TMCC1: variants seen among roughly 807,000 people sequenced by gnomAD.
TMCC1 encodes transmembrane and coiled-coil domains protein 1.
Under a neutral mutation model 52.4 loss-of-function variants are expected in TMCC1, and 15 were observed. That is an observed-to-expected ratio of 0.29 (90% CI 0.19 to 0.44). TMCC1 has a LOEUF of 0.44. TMCC1 is among the 20% of genes least tolerant of loss of function. The pLI is 1.00. For missense variants in TMCC1, 503 were observed against 806.0 expected (o/e 0.62, Z 4.55); for synonymous variants, 279 against 301.9 (o/e 0.92, Z 0.79).
intron 1 of TMCC1, among the ~76,000 whole-genome samples, chr3:129,890,496 T>C (rs1337590557): frequency 6.6e-6 from 1 of 152,232 alleles, no homozygotes; most frequent in Non-Finnish European, 1.5e-5. Context: ...TACATTATCT[T>C]GTTTAATATT....
chr3:129,719,218 C>T (rs910098771), intron 4 of TMCC1, among the ~76,000 whole-genome samples: 4 of 152,128 alleles, frequency 2.6e-5, no homozygotes, highest in Non-Finnish European at 5.9e-5. Context: ...CAATGGCAAG[C>T]AATTTAATCA....
At chr3:129,656,083 G>A (rs1314497650) in intron 5 of TMCC1, among the ~76,000 whole-genome samples, 1 of 152,238 alleles carries the variant, frequency 6.6e-6, no homozygotes, top group African/African-American at 2.4e-5. Context: ...AGACTACTGA[G>A]CAGAGGAGTC....
At chr3:129,770,912 T>C (rs1478024309) in intron 4 of TMCC1, among the ~76,000 whole-genome samples, 2 of 152,222 alleles carry the variant, frequency 1.3e-5, no homozygotes, top group African/African-American at 2.4e-5. Context: ...ACAGTCATAA[T>C]TAAAATTCTA....
chr3:129,796,946 T>C (rs1190392905), intron 4 of TMCC1, among the ~76,000 whole-genome samples: 1 of 152,236 alleles, frequency 6.6e-6, no homozygotes, highest in Non-Finnish European at 1.5e-5. Flanking sequence ...CAGGTTTCTA[T>C]GCAATGATTA....
In TMCC1 at chr3:129,682,631, A is replaced by T. The variant is rs189303292; in HGVS notation, c.577-11367T>A. Among the ~76,000 whole-genome samples, 322 of 152,274 alleles carry T rather than the reference A, an allele frequency of 2.1e-3. 5 individuals carry two copies. The highest frequency in any genetic ancestry group is 3.4e-4 in the Non-Finnish European group (23 of 68,036). Reference sequence around the variant, plus strand: ...GATGACTCTCTCTGTCTCTAGGTTTAAATTCTCAATTGCCTAATGGCTATT... The same window carrying T: ...GATGACTCTCTCTGTCTCTAGGTTTTAATTCTCAATTGCCTAATGGCTATT... On this transcript the variant is annotated intron_variant, in intron 4 of 6. Transcript: ENST00000393238.
intron 2 of TMCC1, among the ~76,000 whole-genome samples, chr3:129,873,736 A>G (rs185594507): frequency 6.6e-6 from 1 of 152,360 alleles, no homozygotes; most frequent in East Asian, 1.9e-4. Context: ...GACATGGGCT[A>G]TAAGTAGCAT....
intron 4 of TMCC1, among the ~76,000 whole-genome samples, chr3:129,714,145 T>C (rs1229762655): frequency 6.6e-6 from 1 of 152,218 alleles, no homozygotes; most frequent in African/African-American, 2.4e-5. Context: ...ACGTCAAAGA[T>C]ATTTGTCATT....
At chr3:129,853,906 CCCA>C (rs1484956217) in intron 2 of TMCC1, among the ~76,000 whole-genome samples, 9 of 152,208 alleles carry the variant, frequency 5.9e-5, no homozygotes, top group African/African-American at 2.2e-4. Flanking sequence ...TCATATTCTA[CCCA>C]TCATCAAGTT....
At chr3:129,680,718 T>C (rs930850519) in intron 4 of TMCC1, among the ~76,000 whole-genome samples, 5 of 152,076 alleles carry the variant, frequency 3.3e-5, no homozygotes, top group African/African-American at 1.2e-4. Flanking sequence ...CTGGCCAACA[T>C]GGCGAAACCC....
chr3:129,787,860 T>C (rs956542054), intron 4 of TMCC1, among the ~76,000 whole-genome samples: 3 of 152,212 alleles, frequency 2.0e-5, no homozygotes, highest in African/African-American at 7.2e-5. Context: ...TTTCAGCTAC[T>C]AAACTTTAAG....
chr3:129,654,993 G>C lies in TMCC1; in HGVS notation c.1622C>G (p.Ser541Cys), dbSNP rs147783037. Residue 541 changes from serine to cysteine, a missense_variant, in exon 6 of 7, where the codon TCC (serine) becomes TGC (cysteine). Physicochemically the swap from Ser to Cys is moderately radical, Grantham distance 112. Coordinates refer to ENST00000393238, the MANE Select transcript of TMCC1 (RefSeq NM_001017395.5). ...CTGGATGTCCCGGGCCCGTTCATAG[G>C]ACTGATACGCGATTTTTTCTTCCAT... Reference protein sequence around the residue: ...ASMEEKIAYQSYERARDIQEA... With the variant: ...ASMEEKIAYQCYERARDIQEA... 3 of 1,613,990 alleles carry C rather than the reference G, an allele frequency of 1.9e-6. No individual in the cohort carries two copies. The highest frequency in any genetic ancestry group is 2.5e-6 in the Non-Finnish European group (3 of 1,180,026).
At chr3:129,782,024 T>C (rs1294199947) in intron 4 of TMCC1, among the ~76,000 whole-genome samples, 1 of 151,972 alleles carries the variant, frequency 6.6e-6, no homozygotes, top group African/African-American at 2.4e-5. Context: ...TTAACTGAGA[T>C]GGGGAAGACC....
chr3:129,820,373 A>AT (rs1553881207), intron 4 of TMCC1, among the ~76,000 whole-genome samples: 84 of 151,442 alleles, frequency 5.5e-4, no homozygotes, highest in African/African-American at 2.0e-3. Context: ...AAATTAAAAA[A>AT]ATATATATAT....
At chr3:129,856,351 G>T (rs930858519) in intron 2 of TMCC1, among the ~76,000 whole-genome samples, 6 of 152,294 alleles carry the variant, frequency 3.9e-5, no homozygotes, top group African/African-American at 1.4e-4. Context: ...TGTCTTAAGT[G>T]AGGATAGTCT....
Position 129,875,490 on chromosome 3 carries a change from C to CAAA in TMCC1, c.-184+4816_-184+4818dup, listed in dbSNP as rs370431347. Among the ~76,000 whole-genome samples, 35 of 17,316 alleles carry CAAA rather than the reference C, an allele frequency of 2.0e-3. 1 individual carries two copies. The highest frequency in any genetic ancestry group is 5.0e-3 in the African/African-American group (31 of 6,206). The allele number at this position is 17,316 out of a possible 152,430, so 11.4% of individuals were successfully genotyped here. On this transcript the variant is annotated intron_variant, in intron 2 of 6. Coordinates refer to ENST00000393238, the MANE Select transcript of TMCC1 (RefSeq NM_001017395.5). Reference sequence around the variant, plus strand: ...TAGGGGACAGAGGAGGACTCCATCTCAAAAAAAAAAAAAAAAAAAAAAAAA... The same window carrying CAAA: ...TAGGGGACAGAGGAGGACTCCATCTCAAAAAAAAAAAAAAAAAAAAAAAAAAAA...
chr3:129,730,014 A>G (rs1438484868), intron 4 of TMCC1, among the ~76,000 whole-genome samples: 2 of 152,100 alleles, frequency 1.3e-5, no homozygotes, highest in Non-Finnish European at 2.9e-5. Context: ...TAGAAAAATA[A>G]TTTATTGACT....
chr3:129,662,545 C>A (rs969735139), intron 5 of TMCC1, among the ~76,000 whole-genome samples: 3 of 151,938 alleles, frequency 2.0e-5, no homozygotes, highest in South Asian at 2.1e-4. Context: ...AGCTGAGGCA[C>A]GACAATTGCT....
At chr3:129,692,334 AG>A (rs1415139461) in intron 4 of TMCC1, among the ~76,000 whole-genome samples, 7 of 152,240 alleles carry the variant, frequency 4.6e-5, no homozygotes, top group African/African-American at 7.2e-5. Flanking sequence ...AAATATCTCC[AG>A]GATCTTATGG....
chr3:129,710,185 CAAAACAAA>C (rs893407007), intron 4 of TMCC1, among the ~76,000 whole-genome samples: 3 of 32,014 alleles, frequency 9.4e-5, no homozygotes, highest in Non-Finnish European at 1.8e-4. Flanking sequence ...GATTCCATCT[CAAAACAAA>C]CAAACAAACA....
Sources: allele counts gnomAD v4.1 joint callset (sites outside exome capture counted in the v4.1 genomes callset), GRCh38; gene constraint gnomAD v4.1.1; transcripts MANE v1.5; gene names NCBI Gene and HGNC (gene_info 2026-07-23, HGNC 2026-07-21).